The following CELF5 variants were observed in gnomAD, a reference collection of about 807,000 sequenced individuals.
CELF5 encodes CUG-BP and ETR-3 like factor 5.
Under a neutral mutation model 54.9 loss-of-function variants are expected in CELF5, and 6 were observed. The observed-to-expected ratio is 0.11, with a 90% CI of 0.06 to 0.22. The LOEUF (loss-of-function observed/expected upper bound fraction) is 0.22. Ranked by LOEUF, CELF5 falls within the 10% of genes least tolerant of loss-of-function variation. The pLI is 1.00. For missense variants in CELF5, 401 were observed against 678.6 expected (o/e 0.59, Z 4.54); for synonymous variants, 271 against 290.9 (o/e 0.93, Z 0.70).
At chr19:3,261,487 G>A in intron 2 of CELF5, among the ~76,000 whole-genome samples, 1 of 152,090 alleles carries the variant, frequency 6.6e-6, no homozygotes, top group East Asian at 1.9e-4. Flanking sequence ...TGAACATTTA[G>A]TATGGAAAAA....
rs191213648 is a variant in CELF5, at chr19:3,256,857, T to C, written c.342+5790T>C. On this transcript the variant is annotated intron_variant, in intron 2 of 12. Transcript: ENST00000292672. ...TGCTGGGATTACAGGCGTCAGCCAC[T>C]GCACCTGGCCTTATTATTTTTTTTC... Among the ~76,000 whole-genome samples the C allele has an allele frequency of 2.6e-3, 400 of 151,890 alleles. 1 individual carries two copies. The highest frequency in any genetic ancestry group is 9.4e-3 in the African/African-American group (391 of 41,434).
At chr19:3,225,536 G>C (rs1916856957) in intron 1 of CELF5, 1 of 951,442 alleles carries the variant, frequency 1.1e-6, no homozygotes, top group Non-Finnish European at 1.2e-6. Flanking sequence ...GGACTCCATT[G>C]CTTTGGTTAT....
At chr19:3,269,993 G>T (rs559238860) in intron 2 of CELF5, among the ~76,000 whole-genome samples, 3 of 152,262 alleles carry the variant, frequency 2.0e-5, no homozygotes, top group Admixed American at 6.5e-5. Context: ...GCAGATGTGG[G>T]TGTTGCTCCA....
chr19:3,247,317 AG>A, intron 1 of CELF5, among the ~76,000 whole-genome samples: 1 of 151,780 alleles, frequency 6.6e-6, no homozygotes, highest in East Asian at 2.0e-4. Flanking sequence ...TAGTAGAGAT[AG>A]GGTTTCACCG....
chr19:3,225,687 G>A (rs1193538863), intron 1 of CELF5: 23 of 714,476 alleles, frequency 3.2e-5, no homozygotes, highest in Non-Finnish European at 4.0e-5. Flanking sequence ...CCTGCCTCGG[G>A]TGGCGGAGAG....
intron 1 of CELF5, among the ~76,000 whole-genome samples, chr19:3,233,196 A>G (rs1917352427): frequency 6.6e-6 from 1 of 152,332 alleles, no homozygotes; most frequent in Non-Finnish European, 1.5e-5. Flanking sequence ...CTGAGGTGCG[A>G]GGATGGCTTG....
chr19:3,225,566 C>T lies in CELF5; in HGVS notation c.259+568C>T, dbSNP rs1916858040. 5 of 980,280 alleles carry T rather than the reference C, an allele frequency of 5.1e-6. 1 individual carries two copies. The South Asian group carries it at 2.4e-4, about 46-fold the overall frequency. The allele number at this position is 980,280 out of a possible 1,614,324, so 60.7% of individuals were successfully genotyped here. ...GGTTATTTTCACAAAGCCAGGCCGGCGGGGCAGGTCCGGCCGCGGGGGACA... is the reference window on the plus strand; with the variant it reads ...GGTTATTTTCACAAAGCCAGGCCGGTGGGGCAGGTCCGGCCGCGGGGGACA... On this transcript the variant is annotated intron_variant, in intron 1 of 12. Transcript: ENST00000292672.
rs796682874 is a variant in CELF5, at chr19:3,279,000, G to A, written c.603+890G>A. 4.6e-5 allele frequency among the ~76,000 whole-genome samples: 7 copies of A among 152,314 alleles called. No individual in the cohort carries two copies. The highest frequency in any genetic ancestry group is 1.7e-4 in the African/African-American group (7 of 41,558). ...CTAGGGCAGTGGGGAGCCACAGACG[G>A]TTTAGAGCAAGGGAGGAGACAGGCC... On this transcript the variant is annotated intron_variant, in intron 5 of 12. Transcript: ENST00000292672. The surrounding 1 kb of genome is among the most constrained non-coding windows in gnomAD (Gnocchi z 4.5).
intron 1 of CELF5, chr19:3,225,662 G>T (rs1916864788): frequency 1.1e-6 from 1 of 920,818 alleles, no homozygotes; most frequent in Non-Finnish European, 1.3e-6. Flanking sequence ...GGCTCGGGGG[G>T]ACGCGCCCGC....
chr19:3,259,503 A>G (rs1177902841), intron 2 of CELF5, among the ~76,000 whole-genome samples: 1 of 151,330 alleles, frequency 6.6e-6, no homozygotes, highest in African/African-American at 2.4e-5. Flanking sequence ...CTCCCTGCTC[A>G]CATCAGACAC....
chr19:3,290,563 CTTTTT>C (rs34393788), intron 11 of CELF5, among the ~76,000 whole-genome samples, 189 bp downstream of exon 11: 16 of 126,976 alleles, frequency 1.3e-4, no homozygotes, highest in Non-Finnish European at 1.5e-4. Context: ...GTTTGGGTTT[CTTTTT>C]TTTTTTTTTT....
At chr19:3,225,499 G>A in intron 1 of CELF5, 1 of 225,742 alleles carries the variant, frequency 4.4e-6, no homozygotes, top group Non-Finnish European at 5.7e-6. Flanking sequence ...AGCCTCCCCA[G>A]GCCCCGTCGG....
chr19:3,243,644 C>G (rs1020275545), intron 1 of CELF5, among the ~76,000 whole-genome samples: 2 of 152,038 alleles, frequency 1.3e-5, no homozygotes, highest in Non-Finnish European at 2.9e-5. Context: ...AGTTTGCAGG[C>G]GCTGCCGTAA....
chr19:3,254,460 T>A (rs1255433797), intron 2 of CELF5, among the ~76,000 whole-genome samples: 1 of 151,514 alleles, frequency 6.6e-6, no homozygotes, highest in Non-Finnish European at 1.5e-5. Context: ...CATCCATCCA[T>A]CCATCTATCC....
chr19:3,230,077 C>CTCATTCATTCAT lies in CELF5; in HGVS notation c.259+5107_259+5118dup, dbSNP rs113956897. On this transcript the variant is annotated intron_variant, in intron 1 of 12. Transcript: ENST00000292672. ...ATTGGAAACACCTGGTAGGACCACA[C>CTCATTCATTCAT]TCATTCATTCATTCATTCATTCATT... 6.9e-3 allele frequency among the ~76,000 whole-genome samples: 1,030 copies of CTCATTCATTCAT among 149,308 alleles called. 5 individuals carry two copies. The highest frequency in any genetic ancestry group is 8.5e-3 in the Non-Finnish European group (572 of 67,384).
intron 2 of CELF5, among the ~76,000 whole-genome samples, chr19:3,257,694 T>A (rs951321600): frequency 2.0e-5 from 3 of 151,924 alleles, no homozygotes; most frequent in African/African-American, 7.2e-5. Context: ...CAGGCTGGTC[T>A]CGAACTCCCG....
intron 5 of CELF5, among the ~76,000 whole-genome samples, chr19:3,279,284 G>A (rs1167903493): frequency 6.6e-6 from 1 of 152,034 alleles, no homozygotes; most frequent in African/African-American, 2.4e-5. Context: ...GCAGTGAGAG[G>A]CTGGGGAGGA....
intron 11 of CELF5, among the ~76,000 whole-genome samples, chr19:3,291,571 C>CAA (rs34331089): frequency 0.47 from 40,206 of 84,682 alleles, 9,512 homozygotes; most frequent in Middle Eastern, 0.58. Context: ...GACTCCGACT[C>CAA]AAAAAAAAAA....
intron 1 of CELF5, among the ~76,000 whole-genome samples, chr19:3,225,814 C>G (rs1916876327): frequency 6.6e-6 from 1 of 150,440 alleles, no homozygotes; most frequent in African/African-American, 2.4e-5. Flanking sequence ...TTGAAACTGG[C>G]CGAGCCTCTT....
Sources: gnomAD v4.1 joint callset for allele counts (sites outside exome capture counted in the v4.1 genomes callset) on GRCh38, gnomAD v4.1.1 for gene constraint, Gnocchi (gnomAD v3.1) non-coding constraint, MANE v1.5 for transcripts, NCBI Gene and HGNC (gene_info 2026-07-23, HGNC 2026-07-21) for gene names.